Variants in TRIM71 observed in about 807,000 individuals in gnomAD.
TRIM71 encodes E3 ubiquitin-protein ligase TRIM71.
In TRIM71, 9 loss-of-function variants were observed where a neutral mutation model predicts 61.2. The ratio of observed to expected loss-of-function variants is 0.15; its 90% CI spans 0.09 to 0.26. TRIM71 has a LOEUF of 0.26. TRIM71 is among the 10% of genes least tolerant of loss of function. The probability of loss-of-function intolerance (pLI) is 1.00; values close to 1 mark genes in which losing one functional copy is unlikely to be tolerated. For missense variants in TRIM71, 998 were observed against 1,238.7 expected (o/e 0.81, Z 2.92); for synonymous variants, 645 against 553.2 (o/e 1.17, Z -2.33).
rs1217093991 is a variant in TRIM71, at chr3:32,896,577, T to C, written c.*4766T>C. Reference sequence around the variant, plus strand: ...GAAGAGAGGAGGGTCCTAAGACCACTGTCATTATCATGAGGGGCTTATAAA... The same window carrying C: ...GAAGAGAGGAGGGTCCTAAGACCACCGTCATTATCATGAGGGGCTTATAAA... On this transcript the variant is annotated 3_prime_UTR_variant, in exon 4 of 4. Coordinates refer to ENST00000383763, the MANE Select transcript of TRIM71 (RefSeq NM_001039111.3). 1.3e-5 allele frequency: 2 copies of C among 152,354 alleles called. No homozygotes were observed. The highest frequency in any genetic ancestry group is 2.4e-5 in the African/African-American group (1 of 41,588). 9.4% of individuals were successfully genotyped at this position (152,354 alleles called of 1,614,324 possible).
rs751345052 is a variant in TRIM71 at position 32,818,246 on chromosome 3, C to T, written c.166C>T (p.Leu56=). The change falls in exon 1 of 4, where the codon CTA becomes TTA. Residue 56 remains leucine, a synonymous_variant. Coordinates refer to ENST00000383763, the MANE Select transcript of TRIM71 (RefSeq NM_001039111.3). ...GGGCCCTGGGGCGGCGGCGCGCCGC[C>T]TACACGTCCTGCCCTGCCTGCACGC... ...GGGPGAAARR[L]HVLPCLHAFC... 6 of 1,485,292 alleles carry T rather than the reference C, an allele frequency of 4.0e-6. No homozygotes were observed. Among genetic ancestry groups the T allele is most frequent in the Non-Finnish European group, 5.3e-6 (6 of 1,129,626 alleles). 92.0% of individuals were successfully genotyped at this position (1,485,292 alleles called of 1,614,324 possible). A position where few individuals can be genotyped will look rare whatever the true frequency, so the allele number is the denominator to read the frequency against.
chr3:32,858,818 C>T (rs1398329972), intron 1 of TRIM71, among the ~76,000 whole-genome samples: 1 of 152,072 alleles, frequency 6.6e-6, no homozygotes, highest in African/African-American at 2.4e-5. Flanking sequence ...AATTTCAGGA[C>T]CCAAGTAAAG....
intron 1 of TRIM71, among the ~76,000 whole-genome samples, chr3:32,826,782 G>A (rs999560935): frequency 1.8e-4 from 28 of 151,442 alleles, no homozygotes; most frequent in Non-Finnish European, 1.0e-4. Flanking sequence ...TTTTGAGACG[G>A]AGTCTTGCTC....
chr3:32,859,953 A>G (rs1696647737), intron 1 of TRIM71, among the ~76,000 whole-genome samples: 1 of 152,054 alleles, frequency 6.6e-6, no homozygotes. Flanking sequence ...TCCTCAGGTC[A>G]TACCACCTAA....
chr3:32,874,321 TTATTACTACTACTAC>T (rs887904023), intron 2 of TRIM71, among the ~76,000 whole-genome samples: 7 of 119,118 alleles, frequency 5.9e-5, no homozygotes, highest in African/African-American at 1.7e-4. Flanking sequence ...TGCTTAATGC[TTATTACTACTACTAC>T]TACTACTACT....
At chr3:32,828,479 C>A (rs1264244410) in intron 1 of TRIM71, among the ~76,000 whole-genome samples, 4 of 148,648 alleles carry the variant, frequency 2.7e-5, no homozygotes, top group Non-Finnish European at 5.9e-5. Context: ...GCACAGTGCC[C>A]TACAATTGAA....
chr3:32,821,447 G>A (rs1696127791), intron 1 of TRIM71, among the ~76,000 whole-genome samples: 1 of 150,762 alleles, frequency 6.6e-6, no homozygotes, highest in African/African-American at 2.4e-5. Flanking sequence ...TCGCCCAGGG[G>A]GACTTTCTTC....
At chr3:32,884,436 G>A (rs923907308) in intron 2 of TRIM71, among the ~76,000 whole-genome samples, 4 of 151,832 alleles carry the variant, frequency 2.6e-5, no homozygotes, top group Non-Finnish European at 4.4e-5. Flanking sequence ...AGTGGCTCAT[G>A]CCTATAATGC....
At chr3:32,848,742 G>A (rs544790608) in intron 1 of TRIM71, among the ~76,000 whole-genome samples, 2 of 152,246 alleles carry the variant, frequency 1.3e-5, no homozygotes, top group East Asian at 3.9e-4. Flanking sequence ...GAAACCTGGG[G>A]CAGTGGCCAG....
intron 1 of TRIM71, among the ~76,000 whole-genome samples, chr3:32,864,496 C>A (rs1696707261): frequency 6.6e-6 from 1 of 152,230 alleles, no homozygotes; most frequent in Non-Finnish European, 1.5e-5. Flanking sequence ...AGATTCTGAT[C>A]TGGGAGTCAA....
chr3:32,818,608 T>A lies in TRIM71; in HGVS notation c.528T>A (p.Pro176=). The A allele has an allele frequency of 7.2e-7, 1 of 1,393,494 alleles. No homozygotes were observed. The highest frequency in any genetic ancestry group is 9.2e-7 in the Non-Finnish European group (1 of 1,081,504). The allele number at this position is 1,393,494 out of a possible 1,614,324, so 86.3% of individuals were successfully genotyped here. Reference sequence around the variant, plus strand: ...CGCAGGCGCCGCAGCCGCCCGCGCCTTCCCGCTCGGCACCCGGCGGCCCTG... The same window carrying A: ...CGCAGGCGCCGCAGCCGCCCGCGCCATCCCGCTCGGCACCCGGCGGCCCTG... ...PLPQAPQPPA[P]SRSAPGGPAA... Residue 176 remains proline (P), a synonymous_variant, in exon 1 of 4, where the codon CCT becomes CCA. Transcript: ENST00000383763.
Position 32,871,155 on chromosome 3 carries a change from A to G in TRIM71, c.853-2663A>G, listed in dbSNP as rs138102127. 3.4e-3 allele frequency among the ~76,000 whole-genome samples: 510 copies of G among 152,196 alleles called. 2 individuals are homozygous for G. The highest frequency in any genetic ancestry group is 0.012 in the African/African-American group (484 of 41,520). The stretch of plus-strand genomic sequence containing the variant: ...GGGTGGAAGGGGGTCTTCCGGAGGT[A>G]CCCAGTCAGGCCCCTTTTGTTTCAC... On this transcript the variant is annotated intron_variant, in intron 1 of 3. Transcript: ENST00000383763.
intron 1 of TRIM71, among the ~76,000 whole-genome samples, chr3:32,821,740 C>T (rs577266577): frequency 1.3e-5 from 2 of 151,984 alleles, no homozygotes; most frequent in African/African-American, 4.8e-5. Context: ...AGGTCGCCGT[C>T]CCCGGAACAG....
At chr3:32,874,323 A>AC (rs759236465) in intron 2 of TRIM71, among the ~76,000 whole-genome samples, 106 of 112,182 alleles carry the variant, frequency 9.4e-4, no homozygotes, top group African/African-American at 4.7e-3. Context: ...CTTAATGCTT[A>AC]TTACTACTAC....
At chr3:32,826,669 C>A (rs1412229954) in intron 1 of TRIM71, among the ~76,000 whole-genome samples, 1 of 137,738 alleles carries the variant, frequency 7.3e-6, no homozygotes, top group African/African-American at 2.7e-5. Flanking sequence ...TGGTCTCAAA[C>A]TCCTGACCTC....
intron 1 of TRIM71, among the ~76,000 whole-genome samples, chr3:32,840,839 A>C (rs936938932): frequency 6.6e-6 from 1 of 152,178 alleles, no homozygotes; most frequent in Non-Finnish European, 1.5e-5. Context: ...TGGGGGTGCA[A>C]GGGGGCATGC....
chr3:32,832,978 G>A (rs1169357287), intron 1 of TRIM71, among the ~76,000 whole-genome samples: 1 of 151,934 alleles, frequency 6.6e-6, no homozygotes, highest in Non-Finnish European at 1.5e-5. Flanking sequence ...TTCTAGACCA[G>A]CCTGGCCAAC....
In TRIM71 at chr3:32,818,663, C is replaced by G. The variant is rs761428558; in HGVS notation, c.583C>G (p.Arg195Gly). The G allele has an allele frequency of 2.2e-5, 33 of 1,518,370 alleles. No homozygotes were observed. The highest frequency in any genetic ancestry group is 2.9e-5 in the Non-Finnish European group (33 of 1,143,450). 94.1% of individuals were successfully genotyped at this position (1,518,370 alleles called of 1,614,324 possible). A position where few individuals can be genotyped will look rare whatever the true frequency, so the allele number is the denominator to read the frequency against. ...TTCCCCGTCGGCGCTGCTGCTCCGC[C>G]GTCCTCACGGCTGCAGCTCGTGCGA... ...AASPSALLLRRPHGCSSCDEG... is the reference protein window; with the variant it reads ...AASPSALLLRGPHGCSSCDEG... Residue 195 changes from arginine to glycine, a missense_variant, in exon 1 of 4, where the codon CGT becomes GGT. Transcript: ENST00000383763.
intron 2 of TRIM71, among the ~76,000 whole-genome samples, chr3:32,874,703 T>G (rs1161507229): frequency 1.3e-5 from 2 of 151,350 alleles, no homozygotes; most frequent in Admixed American, 1.3e-4. Flanking sequence ...TTTGTATTTT[T>G]AGTAGAGATT....
Sources: allele counts gnomAD v4.1 joint callset (sites outside exome capture counted in the v4.1 genomes callset), GRCh38; gene constraint gnomAD v4.1.1; transcripts MANE v1.5; gene names NCBI Gene and HGNC (gene_info 2026-07-23, HGNC 2026-07-21).